MLLT3: variants seen among roughly 807,000 people sequenced by gnomAD.
MLLT3 encodes the protein protein AF-9.
MLLT3 carries 4 observed loss-of-function variants against 53.2 expected under a neutral mutation model. The ratio of observed to expected loss-of-function variants is 0.08; its 90% CI spans 0.04 to 0.17. The LOEUF (loss-of-function observed/expected upper bound fraction) is 0.17, where lower values mean the gene tolerates loss of function less well. Ranked by LOEUF, MLLT3 falls within the 10% of genes least tolerant of loss-of-function variation. The pLI is 1.00. For synonymous variants in MLLT3, 283 were observed against 230.6 expected, an observed-to-expected ratio of 1.23 and a Z score of -2.06; for missense variants, 569 against 684.0, an observed-to-expected ratio of 0.83 and a Z score of 1.87.
intron 2 of MLLT3, among the ~76,000 whole-genome samples, chr9:20,519,881 T>C (rs1818015610): frequency 6.6e-6 from 1 of 152,276 alleles, no homozygotes; most frequent in East Asian, 1.9e-4. Flanking sequence ...CATTCTATTA[T>C]AAAGACACAT....
chr9:20,396,917 G>A (rs755420474), intron 5 of MLLT3, among the ~76,000 whole-genome samples: 4 of 151,806 alleles, frequency 2.6e-5, no homozygotes, highest in Non-Finnish European at 5.9e-5. Flanking sequence ...GTGGAGATCT[G>A]TCAGGTGAAA....
At chr9:20,361,958 G>A (rs1484955654) in intron 7 of MLLT3, among the ~76,000 whole-genome samples, 1 of 152,142 alleles carries the variant, frequency 6.6e-6, no homozygotes, top group Non-Finnish European at 1.5e-5. Flanking sequence ...AGGATACACT[G>A]GGACATCCTT....
At chr9:20,453,022 C>T (rs1823874595) in intron 3 of MLLT3, among the ~76,000 whole-genome samples, 2 of 152,124 alleles carry the variant, frequency 1.3e-5, no homozygotes, top group East Asian at 1.9e-4. Context: ...ACATTAGGTG[C>T]TCTTACAAGT....
intron 2 of MLLT3, among the ~76,000 whole-genome samples, chr9:20,558,647 G>A (rs1487427155): frequency 1.3e-5 from 2 of 152,186 alleles, no homozygotes; most frequent in East Asian, 3.9e-4. Flanking sequence ...TAGAGAGGCT[G>A]ACTCAGTCTG....
At chr9:20,543,449 A>G (rs2119015435) in intron 2 of MLLT3, among the ~76,000 whole-genome samples, 1 of 152,324 alleles carries the variant, frequency 6.6e-6, no homozygotes. Context: ...ATCTTCAAAG[A>G]TCACTAGTCA....
chr9:20,457,261 T>C (rs200820688), intron 2 of MLLT3, among the ~76,000 whole-genome samples: 7,095 of 142,872 alleles, frequency 0.05, 177 homozygotes, highest in African/African-American at 0.15. Flanking sequence ...TTTTTTTTTT[T>C]TTTTGAGACG....
At chr9:20,590,045 G>A (rs946359458) in intron 2 of MLLT3, among the ~76,000 whole-genome samples, 1 of 152,150 alleles carries the variant, frequency 6.6e-6, no homozygotes, top group Non-Finnish European at 1.5e-5. Context: ...CCCGCCAGGA[G>A]AAGCCATTCT....
intron 4 of MLLT3, among the ~76,000 whole-genome samples, chr9:20,438,269 G>A (rs1253624271): frequency 2.6e-5 from 4 of 152,204 alleles, no homozygotes; most frequent in Non-Finnish European, 5.9e-5. Context: ...TATAAATAGT[G>A]CCACTGCAAA....
chr9:20,425,105 T>C (rs1402894353), intron 4 of MLLT3, among the ~76,000 whole-genome samples: 6 of 152,142 alleles, frequency 3.9e-5, no homozygotes, highest in Non-Finnish European at 7.4e-5. Context: ...TAACCTGAAC[T>C]TGAGAATCAA....
chr9:20,477,739 G>C (rs1824562158), intron 2 of MLLT3, among the ~76,000 whole-genome samples: 1 of 152,148 alleles, frequency 6.6e-6, no homozygotes, highest in South Asian at 2.1e-4. Flanking sequence ...GGGAGATACA[G>C]AGAGGGTGCA....
intron 5 of MLLT3, among the ~76,000 whole-genome samples, chr9:20,396,967 A>G (rs75501074): frequency 0.011 from 1,732 of 152,270 alleles, 31 homozygotes; most frequent in African/African-American, 0.039. Context: ...CACTTTAAAT[A>G]TTTTGCTTTA....
intron 2 of MLLT3, chr9:20,532,963 G>A (rs560079235): frequency 4.1e-4 from 108 of 261,192 alleles, no homozygotes; most frequent in South Asian, 1.6e-3. Context: ...CCTGTCCTTC[G>A]AGCAGGAGTT....
Position 20,551,373 on chromosome 9 carries a change from C to T in MLLT3, c.193+69281G>A, listed in dbSNP as rs557837814. 2.0e-5 allele frequency among the ~76,000 whole-genome samples: 3 copies of T among 152,338 alleles called. 1 individual carries two copies. The highest frequency in any genetic ancestry group is 7.2e-5 in the African/African-American group (3 of 41,582). The stretch of plus-strand genomic sequence containing the variant: ...TCACTTTAAAGCACTCTCCCCACCC[C>T]ATCCTCTTTCTCACAAAAGGTGATG... On this transcript the variant is annotated intron_variant, in intron 2 of 10. Coordinates refer to ENST00000380338, the MANE Select transcript of MLLT3 (RefSeq NM_004529.4).
chr9:20,414,791 G>A (rs1477421337), intron 4 of MLLT3, among the ~76,000 whole-genome samples: 3 of 152,178 alleles, frequency 2.0e-5, no homozygotes, highest in Non-Finnish European at 4.4e-5. Context: ...ATTGATAGAT[G>A]TTGACAACCA....
intron 2 of MLLT3, among the ~76,000 whole-genome samples, chr9:20,541,444 T>C (rs746451426): frequency 6.6e-6 from 1 of 152,226 alleles, no homozygotes; most frequent in Non-Finnish European, 1.5e-5. Flanking sequence ...TGACTCACAG[T>C]TCTGCATGGT....
intron 2 of MLLT3, among the ~76,000 whole-genome samples, chr9:20,606,698 T>A (rs1820580132): frequency 6.6e-6 from 1 of 152,062 alleles, no homozygotes; most frequent in South Asian, 2.1e-4. Flanking sequence ...TTAAGTCTAT[T>A]TTTTTTCTCC....
chr9:20,365,621 G>A lies in MLLT3; in HGVS notation c.1201+48C>T, dbSNP rs778955120. 4.4e-6 allele frequency: 7 copies of A among 1,605,086 alleles called. No individual in the cohort carries two copies. In the African/African-American group the frequency reaches 8.0e-5, roughly 18 times the overall value. On this transcript the variant is annotated intron_variant, in intron 6 of 10. Coordinates refer to ENST00000380338, the MANE Select transcript of MLLT3 (RefSeq NM_004529.4). ...TGTCAGCCTCCCAAAGTGCCATTAAGGTGTTTTATGAGAAAAGCATCTCCT... is the reference window on the plus strand; with the variant it reads ...TGTCAGCCTCCCAAAGTGCCATTAAAGTGTTTTATGAGAAAAGCATCTCCT...
At chr9:20,599,802 G>T (rs1015841951) in intron 2 of MLLT3, among the ~76,000 whole-genome samples, 2 of 152,136 alleles carry the variant, frequency 1.3e-5, no homozygotes, top group Non-Finnish European at 2.9e-5. Context: ...AGGACATAGA[G>T]TCACCATATT....
chr9:20,620,774 C>A lies in MLLT3; in HGVS notation c.73G>T (p.Val25Leu). 1.2e-6 allele frequency: 2 copies of A among 1,614,170 alleles called. No homozygotes were observed. Among genetic ancestry groups the A allele is most frequent in the Admixed American group, 1.7e-5 (1 of 60,030 alleles). Residue 25 changes from valine (V) to leucine (L), a missense_variant, in exon 2 of 11, where the codon GTG becomes TTG. Coordinates refer to ENST00000380338, the MANE Select transcript of MLLT3 (RefSeq NM_004529.4). This position sits in a 1 kb window ranked among gnomAD's most constrained non-coding sequence, Gnocchi z 6.1. ...ATCCAGTCGTGGGTGAAGCCCTCCA[C>A]GGTGGGTTTTTTCCTCACCTGGGCG... ...HRAQVRKKPT[V>L]EGFTHDWMVF...
Sources: gnomAD v4.1 joint callset for allele counts (sites outside exome capture counted in the v4.1 genomes callset) on GRCh38, gnomAD v4.1.1 for gene constraint, Gnocchi (gnomAD v3.1) non-coding constraint, MANE v1.5 for transcripts, NCBI Gene and HGNC (gene_info 2026-07-23, HGNC 2026-07-21) for gene names.